RSPO2: variants seen among roughly 807,000 people sequenced by gnomAD.
RSPO2 encodes the protein R-spondin 2.
In RSPO2, 14 loss-of-function variants were observed where a neutral mutation model predicts 30.9. The ratio of observed to expected loss-of-function variants is 0.45; its 90% confidence interval spans 0.30 to 0.71. The LOEUF is 0.71. Among genes scored for constraint, RSPO2 ranks in the 30% least tolerant of loss-of-function variants. The pLI, the probability that RSPO2 is intolerant of heterozygous loss-of-function variation, is 0.08. For missense variants in RSPO2, 264 were observed against 301.9 expected, an observed-to-expected ratio of 0.87 and a Z score of 0.93; for synonymous variants, 107 against 96.4, an observed-to-expected ratio of 1.11 and a Z score of -0.64.
At chr8:107,944,806 G>A (rs1004815811) in intron 5 of RSPO2, among the ~76,000 whole-genome samples, 5 of 152,104 alleles carry the variant, frequency 3.3e-5, no homozygotes, top group African/African-American at 1.2e-4. Context: ...TGTTTTTATA[G>A]GAAGACATGC....
chr8:107,977,615 G>C (rs1171467289), intron 3 of RSPO2, among the ~76,000 whole-genome samples: 1 of 152,256 alleles, frequency 6.6e-6, no homozygotes, highest in South Asian at 2.1e-4. Context: ...GTCTGAGAGA[G>C]ACAGACACCT....
At chr8:107,978,992 C>T (rs536871143) in intron 3 of RSPO2, among the ~76,000 whole-genome samples, 122 of 152,298 alleles carry the variant, frequency 8.0e-4, no homozygotes, top group African/African-American at 2.4e-3. Flanking sequence ...TACCATCTCA[C>T]ACCAGTTAGA....
chr8:108,015,326 G>A (rs1002516068), intron 2 of RSPO2, among the ~76,000 whole-genome samples: 6 of 152,074 alleles, frequency 3.9e-5, no homozygotes, highest in Admixed American at 6.5e-5. Flanking sequence ...TTTATCTCAC[G>A]TTCTAATCAT....
intron 5 of RSPO2, among the ~76,000 whole-genome samples, chr8:107,915,939 A>G (rs961087111): frequency 6.6e-6 from 1 of 152,116 alleles, no homozygotes; most frequent in African/African-American, 2.4e-5. Flanking sequence ...GTGTCTACTT[A>G]TTAGGCCCTA....
At chr8:107,948,493 C>G (rs1813136774) in intron 5 of RSPO2, among the ~76,000 whole-genome samples, 1 of 152,136 alleles carries the variant, frequency 6.6e-6, no homozygotes, top group African/African-American at 2.4e-5. Context: ...CAAAGGCCAG[C>G]CTTGGAGAGG....
intron 2 of RSPO2, among the ~76,000 whole-genome samples, chr8:108,014,007 AC>A (rs1810789818): frequency 6.6e-6 from 1 of 152,232 alleles, no homozygotes; most frequent in Admixed American, 6.5e-5. Context: ...CAAGAAAAAA[AC>A]AACCCCATCA....
intron 2 of RSPO2, among the ~76,000 whole-genome samples, chr8:108,017,048 ACT>A (rs1810912550): frequency 6.8e-6 from 1 of 146,466 alleles, no homozygotes; most frequent in East Asian, 2.0e-4. Flanking sequence ...ACAGAGTTTC[ACT>A]CTGTCGCCCA....
rs1164643883 is a variant in RSPO2, at chr8:107,900,347, A to AAAAAGTTTC, written c.*719_*727dup. The AAAAAGTTTC allele has an allele frequency of 6.6e-6, 1 of 152,314 alleles. No homozygotes were observed. The highest frequency in any genetic ancestry group is 2.4e-5 in the African/African-American group (1 of 41,460). 9.4% of individuals were successfully genotyped at this position (152,314 alleles called of 1,614,324 possible). On this transcript the variant is annotated 3_prime_UTR_variant, in exon 6 of 6. Coordinates refer to ENST00000276659, the MANE Select transcript of RSPO2 (RefSeq NM_178565.5). ...ATAAGCCCACAATGAGGGGAAAAAA[A>AAAAAGTTTC]AAAAGTTTCAAGAGGCAACAAAACA... is the stretch of plus-strand genomic sequence containing the variant.
At chr8:108,017,014 CT>C (rs113953146) in intron 2 of RSPO2, among the ~76,000 whole-genome samples, 10 of 148,536 alleles carry the variant, frequency 6.7e-5, no homozygotes, top group African/African-American at 1.2e-4. Context: ...CTTTCTTTTT[CT>C]TTTTTTTTTC....
chr8:108,022,516 A>G (rs1265223040), intron 2 of RSPO2, among the ~76,000 whole-genome samples: 2 of 152,224 alleles, frequency 1.3e-5, no homozygotes, highest in Non-Finnish European at 2.9e-5. Flanking sequence ...CATTGCTCTT[A>G]ACACACATAA....
intron 5 of RSPO2, among the ~76,000 whole-genome samples, chr8:107,951,047 T>TTTGTTTTTTGTTG (rs1554575792): frequency 2.9e-5 from 1 of 34,644 alleles, no homozygotes; most frequent in Admixed American, 4.2e-4. Flanking sequence ...GAATAAGTTT[T>TTTGTTTTTTGTTG]TTTTTGTTGT....
intron 5 of RSPO2, among the ~76,000 whole-genome samples, chr8:107,937,576 T>C (rs1812759947): frequency 6.6e-6 from 1 of 150,918 alleles, no homozygotes; most frequent in Non-Finnish European, 1.5e-5. Context: ...GCCCTTGCTC[T>C]TTTTATTTCT....
chr8:107,957,972 T>C, intron 5 of RSPO2, 108 bp downstream of exon 5: 10 of 744,318 alleles, frequency 1.3e-5, no homozygotes, highest in Non-Finnish European at 2.2e-5. Flanking sequence ...ACCAATATTA[T>C]TGGGTTTCCT....
In RSPO2 at chr8:107,900,335, G is replaced by A. The variant is rs1811412685; in HGVS notation, c.*740C>T. ...TTACAATGAGAAATAAGCCCACAAT[G>A]AGGGGAAAAAAAAAAAGTTTCAAGA... On this transcript the variant is annotated 3_prime_UTR_variant, in exon 6 of 6. Transcript: ENST00000276659. The A allele has an allele frequency of 1.3e-5, 2 of 151,494 alleles. No individual in the cohort carries two copies. Among genetic ancestry groups the A allele is most frequent in the South Asian group, 2.1e-4 (1 of 4,808 alleles). The allele number at this position is 151,494 out of a possible 1,614,324, so 9.4% of individuals were successfully genotyped here. A position where few individuals can be genotyped will look rare whatever the true frequency, so the allele number is the denominator to read the frequency against.
At chr8:107,975,940 G>A (rs1489635739) in intron 3 of RSPO2, among the ~76,000 whole-genome samples, 2 of 152,298 alleles carry the variant, frequency 1.3e-5, no homozygotes, top group Non-Finnish European at 1.5e-5. Context: ...ATAGTAGGGT[G>A]TCCACCCCAT....
intron 5 of RSPO2, among the ~76,000 whole-genome samples, chr8:107,953,921 T>C (rs1276874834): frequency 6.6e-6 from 1 of 152,238 alleles, no homozygotes; most frequent in African/African-American, 2.4e-5. Flanking sequence ...TAGCTCCCTG[T>C]CCTACTTGTC....
At chr8:107,970,881 G>A (rs1813972518) in intron 3 of RSPO2, among the ~76,000 whole-genome samples, 1 of 152,196 alleles carries the variant, frequency 6.6e-6, no homozygotes, top group Admixed American at 6.5e-5. Context: ...CTCTGTTTGT[G>A]AGGGTGGCTT....
chr8:108,019,353 CAAAA>C (rs761967014), intron 2 of RSPO2, among the ~76,000 whole-genome samples: 38 of 151,784 alleles, frequency 2.5e-4, no homozygotes, highest in Non-Finnish European at 3.4e-4. Context: ...GACTCCAACT[CAAAA>C]AAATAATAAT....
At chr8:108,064,035 G>T (rs1396991483) in intron 2 of RSPO2, among the ~76,000 whole-genome samples, 1 of 152,020 alleles carries the variant, frequency 6.6e-6, no homozygotes, top group Non-Finnish European at 1.5e-5. Context: ...AATTCAAGAT[G>T]GATTAAAGAC....
Sources: gnomAD v4.1 joint callset for allele counts (sites outside exome capture counted in the v4.1 genomes callset) on GRCh38, gnomAD v4.1.1 for gene constraint, MANE v1.5 for transcripts, NCBI Gene and HGNC (gene_info 2026-07-23, HGNC 2026-07-21) for gene names.